RNF186: variants seen among roughly 807,000 people sequenced by gnomAD.
RNF186 encodes E3 ubiquitin-protein ligase RNF186.
For missense variants in RNF186, 298 were observed against 298.5 expected (o/e 1.00, Z 0.01); for synonymous variants, 152 against 133.5 (o/e 1.14, Z -0.96).
Position 19,815,132 on chromosome 1 carries a change from G to A in RNF186, c.-31C>T, listed in dbSNP as rs771841790. On this transcript the variant is annotated 5_prime_UTR_variant, in exon 1 of 1. Transcript: ENST00000375121. ...GCACAGGGACCGGTGGGACACTGTCGCTCAGCACCTGGGCATTGGCAGAGA... is the reference window on the plus strand; with the variant it reads ...GCACAGGGACCGGTGGGACACTGTCACTCAGCACCTGGGCATTGGCAGAGA... 135 of 1,581,450 alleles carry A rather than the reference G, an allele frequency of 8.5e-5. No homozygotes were observed. The highest frequency in any genetic ancestry group is 1.2e-4 in the African/African-American group (9 of 74,344).
rs1350669916 is a variant in RNF186 at position 19,814,319 on chromosome 1, G to T, written c.*99C>A. 4.4e-6 allele frequency: 5 copies of T among 1,139,318 alleles called. No homozygotes were observed. The allele number at this position is 1,139,318 out of a possible 1,614,324, so 70.6% of individuals were successfully genotyped here. On this transcript the variant is annotated 3_prime_UTR_variant, in exon 1 of 1. Coordinates refer to ENST00000375121, the MANE Select transcript of RNF186 (RefSeq NM_019062.2). The surrounding 1 kb of genome is among the most constrained non-coding windows in gnomAD (Gnocchi z 4.7). ...TCCCGCTGGCATGTGATTTCCCAAAGGAGCCAGTCTTAGTCCGTAACCCCT... is the reference window on the plus strand; with the variant it reads ...TCCCGCTGGCATGTGATTTCCCAAATGAGCCAGTCTTAGTCCGTAACCCCT...
rs755311819 is a variant in RNF186 at position 19,814,760 on chromosome 1, T to C, written c.342A>G (p.Thr114=). 1 of 1,614,114 alleles carries C rather than the reference T, an allele frequency of 6.2e-7. No individual in the cohort carries two copies. The highest frequency in any genetic ancestry group is 8.5e-7 in the Non-Finnish European group (1 of 1,180,008). Residue 114 remains threonine (T), a synonymous_variant, in exon 1 of 1, where the codon ACA becomes ACG. Transcript: ENST00000375121. The surrounding 1 kb of genome is among the most constrained non-coding windows in gnomAD (Gnocchi z 4.7). ...AVVGQLAQPC[T]EVSLCPQGLV... ...GCCCCTGAGGACAGAGCGATACCTC[T>C]GTGCATGGCTGGGCCAGCTGCCCCA...
chr1:19,814,300 TG>T lies in RNF186; in HGVS notation c.*117del. 1.0e-6 allele frequency: 1 copy of T among 955,634 alleles called. No homozygotes were observed. Among genetic ancestry groups the T allele is most frequent in the Non-Finnish European group, 1.5e-6 (1 of 649,848 alleles). The allele number at this position is 955,634 out of a possible 1,614,324, so 59.2% of individuals were successfully genotyped here. A position where few individuals can be genotyped will look rare whatever the true frequency, so the allele number is the denominator to read the frequency against. On this transcript the variant is annotated 3_prime_UTR_variant, in exon 1 of 1. Coordinates refer to ENST00000375121, the MANE Select transcript of RNF186 (RefSeq NM_019062.2). This position sits in a 1 kb window ranked among gnomAD's most constrained non-coding sequence, Gnocchi z 4.7. Reference sequence around the variant, plus strand: ...CTCGGTTGTGGCTTGCAAGTCCCGCTGGCATGTGATTTCCCAAAGGAGCCAG... The same window carrying T: ...CTCGGTTGTGGCTTGCAAGTCCCGCTGCATGTGATTTCCCAAAGGAGCCAG...
In RNF186 at chr1:19,814,147, C is replaced by T; in HGVS notation, c.*271G>A. The stretch of plus-strand genomic sequence containing the variant: ...ATTGGAATAAGAGGAACAGGAGCTT[C>T]CCCCATCTTGTCATGTTCAAGTAGT... On this transcript the variant is annotated 3_prime_UTR_variant, in exon 1 of 1. Transcript: ENST00000375121. This position sits in a 1 kb window ranked among gnomAD's most constrained non-coding sequence, Gnocchi z 4.7. The T allele has an allele frequency of 2.3e-6, 1 of 434,590 alleles. No homozygotes were observed. The highest frequency in any genetic ancestry group is 4.8e-5 in the South Asian group (1 of 20,996). 26.9% of individuals were successfully genotyped at this position (434,590 alleles called of 1,614,324 possible).
At position 19,814,765 on chromosome 1, in the gene RNF186, A is replaced by G. The variant is rs201766425; in HGVS notation, c.337T>C (p.Cys113Arg). 2 of 1,614,060 alleles carry G rather than the reference A, an allele frequency of 1.2e-6. No individual in the cohort carries two copies. Among genetic ancestry groups the G allele is most frequent in the African/African-American group, 1.3e-5 (1 of 75,040 alleles). The change falls in exon 1 of 1, where the codon TGC (cysteine) becomes CGC (arginine). Residue 113 changes from cysteine (C) to arginine (R), a missense_variant. By Grantham distance (180) the Cys-to-Arg change is radical. Coordinates refer to ENST00000375121, the MANE Select transcript of RNF186 (RefSeq NM_019062.2). The surrounding 1 kb of genome is among the most constrained non-coding windows in gnomAD (Gnocchi z 4.7). ...TGAGGACAGAGCGATACCTCTGTGC[A>G]TGGCTGGGCCAGCTGCCCCACCACC... Reference protein sequence around the residue: ...EAVVGQLAQPCTEVSLCPQGL... With the variant: ...EAVVGQLAQPRTEVSLCPQGL...
In RNF186 at chr1:19,814,186, C is replaced by A. The variant is rs964557925; in HGVS notation, c.*232G>T. On this transcript the variant is annotated 3_prime_UTR_variant, in exon 1 of 1. Coordinates refer to ENST00000375121, the MANE Select transcript of RNF186 (RefSeq NM_019062.2). The surrounding 1 kb of genome is among the most constrained non-coding windows in gnomAD (Gnocchi z 4.7). Reference sequence around the variant, plus strand: ...TGTTCAAGTAGTTTGTGTCTGCTCCCCTAGCCACCAACAGTTTTAGCTATG... The same window carrying A: ...TGTTCAAGTAGTTTGTGTCTGCTCCACTAGCCACCAACAGTTTTAGCTATG... The A allele has an allele frequency of 3.9e-6, 2 of 519,350 alleles. No homozygotes were observed. The highest frequency in any genetic ancestry group is 3.3e-5 in the Admixed American group (1 of 30,288). 32.2% of individuals were successfully genotyped at this position (519,350 alleles called of 1,614,324 possible).
chr1:19,814,833 G>T lies in RNF186; in HGVS notation c.269C>A (p.Ala90Asp), dbSNP rs1330180550. 1.2e-5 allele frequency: 19 copies of T among 1,613,722 alleles called. No homozygotes were observed. Among genetic ancestry groups the T allele is most frequent in the Non-Finnish European group, 1.5e-5 (18 of 1,180,006 alleles). ...GCTGCAGATGAGGCCCCCGGGGACGGCGGTGACCTTGCGGCACAGCGGGCA... is the reference window on the plus strand; with the variant it reads ...GCTGCAGATGAGGCCCCCGGGGACGTCGGTGACCTTGCGGCACAGCGGGCA... ...ITCPLCRKVTAVPGGLICSLR... is the reference protein window; with the variant it reads ...ITCPLCRKVTDVPGGLICSLR... Residue 90 changes from alanine (A) to aspartate (D), a missense_variant, in exon 1 of 1, where the codon GCC becomes GAC. Transcript: ENST00000375121. The surrounding 1 kb of genome is among the most constrained non-coding windows in gnomAD (Gnocchi z 4.7).
At position 19,814,071 on chromosome 1, in the gene RNF186, G is replaced by C. The variant is rs1269527147; in HGVS notation, c.*347C>G. 4.7e-6 allele frequency: 1 copy of C among 211,884 alleles called. No individual in the cohort carries two copies. The allele number at this position is 211,884 out of a possible 1,614,324, so 13.1% of individuals were successfully genotyped here. On this transcript the variant is annotated 3_prime_UTR_variant, in exon 1 of 1. Transcript: ENST00000375121. This position sits in a 1 kb window ranked among gnomAD's most constrained non-coding sequence, Gnocchi z 4.7. ...GGAATTCCAGTTCTATTCTACAATG[G>C]CATCAATACTGCAATACTTTCATCA...
rs543596067 is a variant in RNF186 at position 19,814,784 on chromosome 1, C to A, written c.318G>T (p.Val106=). 14 of 1,614,026 alleles carry A rather than the reference C, an allele frequency of 8.7e-6. 1 individual carries two copies. The East Asian group carries it at 2.9e-4, about 33-fold the overall frequency. Residue 106 remains valine (V), a synonymous_variant, in exon 1 of 1, where the codon GTG becomes GTT. Coordinates refer to ENST00000375121, the MANE Select transcript of RNF186 (RefSeq NM_019062.2). The surrounding 1 kb of genome is among the most constrained non-coding windows in gnomAD (Gnocchi z 4.7). ...CTGTGCATGGCTGGGCCAGCTGCCC[C>A]ACCACCGCCTCATGGTCGCGCAGGC... is the stretch of plus-strand genomic sequence containing the variant. ...ICSLRDHEAV[V]GQLAQPCTEV...
Position 19,814,987 on chromosome 1 carries a change from C to T in RNF186, c.115G>A (p.Glu39Lys), listed in dbSNP as rs1385305273. The T allele has an allele frequency of 1.2e-5, 19 of 1,614,062 alleles. No individual in the cohort carries two copies. The highest frequency in any genetic ancestry group is 1.5e-5 in the Non-Finnish European group (18 of 1,180,032). Residue 39 changes from glutamate to lysine, a missense_variant, in exon 1 of 1, where the codon GAG (glutamate) becomes AAG (lysine). Transcript: ENST00000375121. The surrounding 1 kb of genome is among the most constrained non-coding windows in gnomAD (Gnocchi z 4.7). Reference sequence around the variant, plus strand: ...TAGGGCTCCCGGCACACCAGACACTCCAGGTCACATTCTGTGGAGCCAGAA... The same window carrying T: ...TAGGGCTCCCGGCACACCAGACACTTCAGGTCACATTCTGTGGAGCCAGAA... ...GHSGSTECDLECLVCREPYSC... is the reference protein window; with the variant it reads ...GHSGSTECDLKCLVCREPYSC...
rs2044697334 is a variant in RNF186 at position 19,814,366 on chromosome 1, C to T, written c.*52G>A. The T allele has an allele frequency of 1.2e-5, 19 of 1,537,992 alleles. No individual in the cohort carries two copies. In the South Asian group the frequency reaches 1.6e-4, roughly 13 times the overall value. On this transcript the variant is annotated 3_prime_UTR_variant, in exon 1 of 1. Coordinates refer to ENST00000375121, the MANE Select transcript of RNF186 (RefSeq NM_019062.2). The surrounding 1 kb of genome is among the most constrained non-coding windows in gnomAD (Gnocchi z 4.7). ...CCCTTACCCTGTTCATTGTGGAAGT[C>T]CGGGGGCCCAAGGGCAGAAAGGGCT...
rs1487633725 is a variant in RNF186 at position 19,815,056 on chromosome 1, C to T, written c.46G>A (p.Gly16Arg). The T allele has an allele frequency of 6.2e-6, 10 of 1,613,962 alleles. No individual in the cohort carries two copies. In the Middle Eastern group the frequency reaches 5.0e-4, roughly 80 times the overall value. The change falls in exon 1 of 1, where the codon GGA becomes AGA. Residue 16 changes from glycine to arginine, a missense_variant. By Grantham distance (125) the Gly-to-Arg change is moderately radical. Coordinates refer to ENST00000375121, the MANE Select transcript of RNF186 (RefSeq NM_019062.2). Reference protein sequence around the residue: ...TLQQSQPISAGATTTTTAVAP... With the variant: ...TLQQSQPISARATTTTTAVAP... Reference sequence around the variant, plus strand: ...ACAGCGGTGGTGGTTGTGGTGGCTCCTGCGGAGATGGGCTGGGACTGTTGC... The same window carrying T: ...ACAGCGGTGGTGGTTGTGGTGGCTCTTGCGGAGATGGGCTGGGACTGTTGC...
chr1:19,815,007 C>G lies in RNF186; in HGVS notation c.95G>C (p.Gly32Ala). ...TAVAPAGGHS[G>A]STECDLECLV... ...ACACTCCAGGTCACATTCTGTGGAGCCAGAATGACCCCCAGCAGGGGCCAC... is the reference window on the plus strand; with the variant it reads ...ACACTCCAGGTCACATTCTGTGGAGGCAGAATGACCCCCAGCAGGGGCCAC... Residue 32 changes from glycine (G) to alanine (A), a missense_variant, in exon 1 of 1, where the codon GGC becomes GCC. Physicochemically the swap from Gly to Ala is moderately conservative, Grantham distance 60. Transcript: ENST00000375121. 1 of 1,614,068 alleles carries G rather than the reference C, an allele frequency of 6.2e-7. No individual in the cohort carries two copies. Among genetic ancestry groups the G allele is most frequent in the South Asian group, 1.1e-5 (1 of 91,078 alleles).
chr1:19,815,174 C>T lies in RNF186; in HGVS notation c.-73G>A, dbSNP rs377136899. The T allele has an allele frequency of 3.6e-6, 5 of 1,385,798 alleles. No individual in the cohort carries two copies. Among genetic ancestry groups the T allele is most frequent in the South Asian group, 2.6e-5 (2 of 76,090 alleles). 85.8% of individuals were successfully genotyped at this position (1,385,798 alleles called of 1,614,324 possible). A position where few individuals can be genotyped will look rare whatever the true frequency, so the allele number is the denominator to read the frequency against. The stretch of plus-strand genomic sequence containing the variant: ...TGGCAGAGAGTGTCAGCTGGCGCCG[C>T]TGGGACTTGGATGGAATCTGCCCCT... On this transcript the variant is annotated 5_prime_UTR_variant, in exon 1 of 1. Transcript: ENST00000375121.
In RNF186 at chr1:19,814,767, G is replaced by A; in HGVS notation, c.335C>T (p.Pro112Leu). Reference sequence around the variant, plus strand: ...AGGACAGAGCGATACCTCTGTGCATGGCTGGGCCAGCTGCCCCACCACCGC... The same window carrying A: ...AGGACAGAGCGATACCTCTGTGCATAGCTGGGCCAGCTGCCCCACCACCGC... ...HEAVVGQLAQ[P>L]CTEVSLCPQG... Residue 112 changes from proline to leucine, a missense_variant, in exon 1 of 1, where the codon CCA (proline) becomes CTA (leucine). Physicochemically the swap from Pro to Leu is moderately conservative, Grantham distance 98. Transcript: ENST00000375121. This position sits in a 1 kb window ranked among gnomAD's most constrained non-coding sequence, Gnocchi z 4.7. 6.2e-7 allele frequency: 1 copy of A among 1,614,068 alleles called. No homozygotes were observed. Among genetic ancestry groups the A allele is most frequent in the Non-Finnish European group, 8.5e-7 (1 of 1,180,006 alleles).
At position 19,814,781 on chromosome 1, in the gene RNF186, C is replaced by T. The variant is rs1385928732; in HGVS notation, c.321G>A (p.Gly107=). The T allele has an allele frequency of 1.2e-6, 2 of 1,613,996 alleles. No homozygotes were observed. Among genetic ancestry groups the T allele is most frequent in the Non-Finnish European group, 1.7e-6 (2 of 1,180,000 alleles). ...CCTCTGTGCATGGCTGGGCCAGCTGCCCCACCACCGCCTCATGGTCGCGCA... is the reference window on the plus strand; with the variant it reads ...CCTCTGTGCATGGCTGGGCCAGCTGTCCCACCACCGCCTCATGGTCGCGCA... ...CSLRDHEAVV[G]QLAQPCTEVS... The change falls in exon 1 of 1, where the codon GGG becomes GGA. Residue 107 remains glycine (G), a synonymous_variant. Coordinates refer to ENST00000375121, the MANE Select transcript of RNF186 (RefSeq NM_019062.2). This position sits in a 1 kb window ranked among gnomAD's most constrained non-coding sequence, Gnocchi z 4.7.
Position 19,815,177 on chromosome 1 carries a change from G to C in RNF186, c.-76C>G. The C allele has an allele frequency of 1.5e-6, 2 of 1,307,834 alleles. No homozygotes were observed. Among genetic ancestry groups the C allele is most frequent in the East Asian group, 4.7e-5 (2 of 42,426 alleles). 81.0% of individuals were successfully genotyped at this position (1,307,834 alleles called of 1,614,324 possible). On this transcript the variant is annotated 5_prime_UTR_variant, in exon 1 of 1. Coordinates refer to ENST00000375121, the MANE Select transcript of RNF186 (RefSeq NM_019062.2). Reference sequence around the variant, plus strand: ...CAGAGAGTGTCAGCTGGCGCCGCTGGGACTTGGATGGAATCTGCCCCTCCT... The same window carrying C: ...CAGAGAGTGTCAGCTGGCGCCGCTGCGACTTGGATGGAATCTGCCCCTCCT...
chr1:19,814,641 C>G lies in RNF186; in HGVS notation c.461G>C (p.Arg154Pro). The part of the protein sequence containing the change: ...EVSANHVAAR[R>P]LAAHLLLLAL... ...CAGCAGGAGTAGGTGCGCGGCCAGG[C>G]GCCGGGCTGCCACGTGGTTTGCACT... is the stretch of plus-strand genomic sequence containing the variant. Residue 154 changes from arginine to proline, a missense_variant, in exon 1 of 1, where the codon CGC becomes CCC. Physicochemically the swap from Arg to Pro is moderately radical, Grantham distance 103 (BLOSUM62 -2). Transcript: ENST00000375121. This position sits in a 1 kb window ranked among gnomAD's most constrained non-coding sequence, Gnocchi z 4.7. The G allele has an allele frequency of 1.2e-6, 2 of 1,614,184 alleles. No homozygotes were observed. Among genetic ancestry groups the G allele is most frequent in the Non-Finnish European group, 1.7e-6 (2 of 1,180,012 alleles).
At position 19,814,216 on chromosome 1, in the gene RNF186, C is replaced by A; in HGVS notation, c.*202G>T. 1 of 579,068 alleles carries A rather than the reference C, an allele frequency of 1.7e-6. No individual in the cohort carries two copies. The highest frequency in any genetic ancestry group is 2.3e-5 in the South Asian group (1 of 42,664). 35.9% of individuals were successfully genotyped at this position (579,068 alleles called of 1,614,324 possible). On this transcript the variant is annotated 3_prime_UTR_variant, in exon 1 of 1. Transcript: ENST00000375121. This position sits in a 1 kb window ranked among gnomAD's most constrained non-coding sequence, Gnocchi z 4.7. The stretch of plus-strand genomic sequence containing the variant: ...CCACCAACAGTTTTAGCTATGCTAT[C>A]CCAAGGGCAAGTGCAAGCCTGTCAT...
Sources: gnomAD v4.1 joint callset for allele counts on GRCh38, gnomAD v4.1.1 for gene constraint, Gnocchi (gnomAD v3.1) non-coding constraint, MANE v1.5 for transcripts, NCBI Gene and HGNC (gene_info 2026-07-23, HGNC 2026-07-21) for gene names.